ATIC: variants seen among roughly 807,000 people sequenced by gnomAD.
The protein encoded by ATIC is bifunctional purine biosynthesis protein ATIC.
ATIC carries 64 observed loss-of-function variants against 72.5 expected under a neutral mutation model. The ratio of observed to expected loss-of-function variants is 0.88; its 90% CI spans 0.72 to 1.09. The LOEUF (loss-of-function observed/expected upper bound fraction) is 1.09, where lower values mean the gene tolerates loss of function less well. Among genes scored for constraint, ATIC ranks in the 50% least tolerant of loss-of-function variants. ATIC has a pLI of 0.00. For missense variants in ATIC, 787 were observed against 732.4 expected (o/e 1.07, Z -0.86); for synonymous variants, 281 against 267.1 (o/e 1.05, Z -0.51).
the ATIC span, among the ~76,000 whole-genome samples, chr2:215,357,445 C>T: frequency 6.6e-6 from 1 of 152,138 alleles, no homozygotes; most frequent in African/African-American, 2.4e-5. Flanking sequence ...ATAAATTTGG[C>T]TCCTGAGATT....
chr2:215,362,626 C>G, the ATIC span: 1 of 158,798 alleles, frequency 6.3e-6, no homozygotes, highest in Non-Finnish European at 1.4e-5. Flanking sequence ...CTTTGCCACT[C>G]TCTTCCTAAA....
chr2:215,366,221 A>G, the ATIC span, among the ~76,000 whole-genome samples: 1 of 152,214 alleles, frequency 6.6e-6, no homozygotes, highest in Non-Finnish European at 1.5e-5. Flanking sequence ...TCATGTCATC[A>G]GAATAGTCAA....
rs1486637166 is a variant in ATIC, at chr2:215,326,051, A to G, written c.444A>G (p.Pro148=). ...NHARVTVVCE[P]EDYVVVSTEM... ...CTCGAGTGACAGTGGTGTGTGAACC[A>G]GAGGACTATGTGGTGGTGTCCACGG... The change falls in exon 6 of 16, where the codon CCA becomes CCG. Residue 148 remains proline, a synonymous_variant. Transcript: ENST00000236959. 1 of 1,614,216 alleles carries G rather than the reference A, an allele frequency of 6.2e-7. No homozygotes were observed. Among genetic ancestry groups the G allele is most frequent in the South Asian group, 1.1e-5 (1 of 91,084 alleles).
Position 215,333,503 on chromosome 2 carries a change from A to G in ATIC, c.922+46A>G, listed in dbSNP as rs113161510. ...TGATTTGGGGGAGAAAGAAAAAGCA[A>G]TATTTTATCCTAAATAGAATAAAGA... is the stretch of plus-strand genomic sequence containing the variant. On this transcript the variant is annotated intron_variant, in intron 9 of 15. Coordinates refer to ENST00000236959, the MANE Select transcript of ATIC (RefSeq NM_004044.7). 1.0e-3 allele frequency: 1,519 copies of G among 1,480,906 alleles called. 12 individuals carry two copies. In the African/African-American group the frequency reaches 0.018, roughly 18 times the overall value. The allele number at this position is 1,480,906 out of a possible 1,614,324, so 91.7% of individuals were successfully genotyped here.
chr2:215,324,027 GCTGGGATTGCAGGCGTGCGC>G (rs1457368754), intron 4 of ATIC, among the ~76,000 whole-genome samples: 1 of 152,154 alleles, frequency 6.6e-6, no homozygotes, highest in Non-Finnish European at 1.5e-5. Flanking sequence ...CTCCCAAAGT[GCTGGGATTGCAGGCGTGCGC>G]CACCTTGCCC....
chr2:215,362,089 T>C, the ATIC span: 3 of 1,606,652 alleles, frequency 1.9e-6, no homozygotes, highest in African/African-American at 1.3e-5. Flanking sequence ...CCTGAGAGAG[T>C]AGAGGCATGA....
At chr2:215,333,104 C>T (rs572284878) in intron 8 of ATIC, among the ~76,000 whole-genome samples, 97 of 152,208 alleles carry the variant, frequency 6.4e-4, no homozygotes, top group African/African-American at 1.7e-3. Context: ...CACCTACACG[C>T]TGGGTACTGT....
the ATIC span, chr2:215,361,499 G>T: frequency 7.9e-7 from 1 of 1,267,588 alleles, no homozygotes; most frequent in Non-Finnish European, 1.2e-6. Context: ...CATCACTCCA[G>T]TTTAGATGGA....
At chr2:215,335,124 T>G (rs940596567) in intron 10 of ATIC, 120 bp downstream of exon 10, 1 of 514,384 alleles carries the variant, frequency 1.9e-6, no homozygotes, top group African/African-American at 2.0e-5. Context: ...TTAGCTAAGT[T>G]TATCATTTAA....
chr2:215,328,391 C>G (rs1458776576), intron 7 of ATIC, among the ~76,000 whole-genome samples: 2 of 152,130 alleles, frequency 1.3e-5, no homozygotes, highest in African/African-American at 4.8e-5. Context: ...CCCCACAAAC[C>G]CTGTGCTGCC....
intron 11 of ATIC, among the ~76,000 whole-genome samples, chr2:215,336,767 A>G (rs975622045): frequency 1.2e-4 from 19 of 152,210 alleles, no homozygotes; most frequent in African/African-American, 4.3e-4. Flanking sequence ...TAACCTAGAA[A>G]AGTCCTGAGA....
In ATIC at chr2:215,312,101, CGCT is replaced by C; in HGVS notation, c.-36_-34del. The C allele has an allele frequency of 6.5e-7, 1 of 1,529,756 alleles. No homozygotes were observed. Among genetic ancestry groups the C allele is most frequent in the South Asian group, 1.2e-5 (1 of 83,162 alleles). The allele number at this position is 1,529,756 out of a possible 1,614,324, so 94.8% of individuals were successfully genotyped here. On this transcript the variant is annotated 5_prime_UTR_variant, in exon 1 of 16. Coordinates refer to ENST00000236959, the MANE Select transcript of ATIC (RefSeq NM_004044.7). ...CTCCTACCTGCGCACGTGGTGCCGC[CGCT>C]GCTGCCTCCCGCTCGCCCTGAACCC...
rs1047283236 is a variant in ATIC at position 215,312,180 on chromosome 2, G to A, written c.19+19G>A. 2 of 1,501,110 alleles carry A rather than the reference G, an allele frequency of 1.3e-6. No individual in the cohort carries two copies. Among genetic ancestry groups the A allele is most frequent in the African/African-American group, 2.9e-5 (2 of 68,962 alleles). The allele number at this position is 1,501,110 out of a possible 1,614,324, so 93.0% of individuals were successfully genotyped here. On this transcript the variant is annotated intron_variant, in intron 1 of 15. Coordinates refer to ENST00000236959, the MANE Select transcript of ATIC (RefSeq NM_004044.7). ...CAGCTCGGTGAGGCCCTAGCGGAGC[G>A]GCGCGGTCTGCGTCCTCGCCTGCGG...
In ATIC at chr2:215,326,464, G is replaced by A. The variant is rs537831176; in HGVS notation, c.531+326G>A. ...TACTGAAAATACAAAAATTAGCCGA[G>A]TGTGGTGTGGTGTGGTACGCCTGTA... On this transcript the variant is annotated intron_variant, in intron 6 of 15. Coordinates refer to ENST00000236959, the MANE Select transcript of ATIC (RefSeq NM_004044.7). Among the ~76,000 whole-genome samples, 3 of 151,740 alleles carry A rather than the reference G, an allele frequency of 2.0e-5. No individual in the cohort carries two copies. In the South Asian group the frequency reaches 6.2e-4, roughly 31 times the overall value.
intron 14 of ATIC, among the ~76,000 whole-genome samples, chr2:215,347,950 C>G (rs1358235131): frequency 6.6e-6 from 1 of 152,110 alleles, no homozygotes; most frequent in Non-Finnish European, 1.5e-5. Context: ...GATCAAGGTA[C>G]TGGTGGGCTG....
chr2:215,332,419 T>C lies in ATIC; in HGVS notation c.726T>C (p.Asp242=), dbSNP rs2052905524. ...NGAPGFINLC[D]ALNAWQLVKE... ...CCCCTGGATTTATAAACTTGTGCGA[T>C]GCTTTGAACGCCTGGCAGCTGGTGA... Residue 242 remains aspartate, a synonymous_variant, in exon 8 of 16, where the codon GAT becomes GAC. Transcript: ENST00000236959. 1 of 1,614,084 alleles carries C rather than the reference T, an allele frequency of 6.2e-7. No individual in the cohort carries two copies. The highest frequency in any genetic ancestry group is 1.3e-5 in the African/African-American group (1 of 74,928).
chr2:215,312,473 T>A lies in ATIC; in HGVS notation c.20-25T>A, dbSNP rs182747429. The A allele has an allele frequency of 5.6e-6, 9 of 1,614,190 alleles. No individual in the cohort carries two copies. The East Asian group carries it at 2.0e-4, about 36-fold the overall frequency. ...ACACAGTGCAATGTGCTGCGAATCATGAGAAAAAATGTCTTCTCTTTCAGC... is the reference window on the plus strand; with the variant it reads ...ACACAGTGCAATGTGCTGCGAATCAAGAGAAAAAATGTCTTCTCTTTCAGC... On this transcript the variant is annotated intron_variant, in intron 1 of 15. Transcript: ENST00000236959.
intron 2 of ATIC, among the ~76,000 whole-genome samples, chr2:215,316,087 T>C (rs1463111216): frequency 6.6e-6 from 1 of 152,156 alleles, no homozygotes; most frequent in African/African-American, 2.4e-5. Context: ...TTTTAATTAG[T>C]GAGTATACAG....
the ATIC span, chr2:215,367,865 G>C: frequency 1.9e-6 from 3 of 1,613,958 alleles, no homozygotes; most frequent in Admixed American, 1.7e-5. Context: ...CTACTCACTA[G>C]ATGAATCACA....
Sources: gnomAD v4.1 joint callset for allele counts (sites outside exome capture counted in the v4.1 genomes callset) on GRCh38, gnomAD v4.1.1 for gene constraint, MANE v1.5 for transcripts, NCBI Gene and HGNC (gene_info 2026-07-23, HGNC 2026-07-21) for gene names.